Variants in SLC35F1 observed in about 807,000 individuals in gnomAD.
SLC35F1 encodes solute carrier family 35 member F1.
In SLC35F1, 14 loss-of-function variants were observed where a neutral mutation model predicts 48.7. The ratio of observed to expected loss-of-function variants is 0.29; its 90% CI spans 0.19 to 0.45. The LOEUF (loss-of-function observed/expected upper bound fraction) is 0.45, where lower values mean the gene tolerates loss of function less well. Ranked by LOEUF, SLC35F1 falls within the 20% of genes least tolerant of loss-of-function variation. SLC35F1 has a pLI of 1.00. For synonymous variants in SLC35F1, 190 were observed against 202.2 expected (o/e 0.94, Z 0.51); for missense variants, 404 against 500.0 (o/e 0.81, Z 1.83).
intron 1 of SLC35F1, among the ~76,000 whole-genome samples, chr6:118,107,855 G>A (rs572262203): frequency 1.2e-3 from 189 of 151,914 alleles, no homozygotes; most frequent in Admixed American, 3.1e-3. Flanking sequence ...ACAATTTCAG[G>A]GTCAAACAAA....
At chr6:118,003,991 A>G (rs1425481519) in intron 1 of SLC35F1, among the ~76,000 whole-genome samples, 2 of 152,232 alleles carry the variant, frequency 1.3e-5, no homozygotes, top group East Asian at 3.8e-4. Flanking sequence ...GTGATATCTC[A>G]ACAGGGATAT....
At chr6:118,009,741 G>A (rs898639441) in intron 1 of SLC35F1, among the ~76,000 whole-genome samples, 2 of 152,208 alleles carry the variant, frequency 1.3e-5, no homozygotes, top group East Asian at 3.9e-4. Context: ...AAAACTGAGT[G>A]CACAAAATGA....
intron 3 of SLC35F1, among the ~76,000 whole-genome samples, chr6:118,241,368 G>A (rs1002518821): frequency 6.6e-6 from 1 of 152,128 alleles, no homozygotes; most frequent in African/African-American, 2.4e-5. Flanking sequence ...ATGGTTAAAT[G>A]TCACAAACAA....
rs114597945 is a variant in SLC35F1, at chr6:118,156,744, C to T, written c.349+2124C>T. ...TCCAGTAAGGCAGGACAACTTGAAG[C>T]GCAGGGCTTCCAGCTTATAGGTGGA... On this transcript the variant is annotated intron_variant, in intron 2 of 7. Transcript: ENST00000360388. Among the ~76,000 whole-genome samples the T allele has an allele frequency of 3.6e-3, 544 of 151,934 alleles. 3 individuals carry two copies. Among genetic ancestry groups the T allele is most frequent in the African/African-American group, 0.013 (521 of 41,418 alleles).
At chr6:117,931,453 T>A (rs1324583939) in intron 1 of SLC35F1, among the ~76,000 whole-genome samples, 1 of 152,246 alleles carries the variant, frequency 6.6e-6, no homozygotes, top group Non-Finnish European at 1.5e-5. Flanking sequence ...TTATTTTCAC[T>A]GTGAATGTGG....
At position 118,314,140 on chromosome 6, in the gene SLC35F1, A is replaced by G. The variant is rs772683387; in HGVS notation, c.1115A>G (p.Asn372Ser). Residue 372 changes from asparagine to serine, a missense_variant, in exon 8 of 8, where the codon AAT (asparagine) becomes AGT (serine). Asn to Ser is a conservative substitution (Grantham distance 46). Coordinates refer to ENST00000360388, the MANE Select transcript of SLC35F1 (RefSeq NM_001029858.4). ...QDPRVYKQFR[N>S]PSGPVVDLPT... ...CCCCGAGTGTATAAGCAGTTCCGCAATCCTTCAGGACCTGTTGTGGACTTA... is the reference window on the plus strand; with the variant it reads ...CCCCGAGTGTATAAGCAGTTCCGCAGTCCTTCAGGACCTGTTGTGGACTTA... The G allele has an allele frequency of 8.1e-6, 13 of 1,613,982 alleles. No homozygotes were observed. The highest frequency in any genetic ancestry group is 2.2e-5 in the South Asian group (2 of 91,080).
intron 4 of SLC35F1, among the ~76,000 whole-genome samples, chr6:118,271,466 C>T (rs1203526832): frequency 6.6e-6 from 1 of 152,054 alleles, no homozygotes; most frequent in African/African-American, 2.4e-5. Context: ...GTGCTAAAAC[C>T]AACAGAGTCC....
chr6:118,232,506 C>T (rs927495169), intron 2 of SLC35F1, among the ~76,000 whole-genome samples: 1 of 147,878 alleles, frequency 6.8e-6, no homozygotes, highest in African/African-American at 2.5e-5. Context: ...CAAGATCGCG[C>T]CATTGCACTC....
chr6:117,927,002 C>T (rs950159051), intron 1 of SLC35F1, among the ~76,000 whole-genome samples: 1 of 152,092 alleles, frequency 6.6e-6, no homozygotes, highest in Non-Finnish European at 1.5e-5. Flanking sequence ...GAGTTTGATG[C>T]TGGTCAATGT....
chr6:118,113,368 C>T (rs577812867), intron 1 of SLC35F1, among the ~76,000 whole-genome samples: 47 of 152,084 alleles, frequency 3.1e-4, no homozygotes, highest in African/African-American at 1.0e-3. Context: ...ATTACAGGTG[C>T]GAGACCTCAC....
chr6:117,920,838 A>G (rs566337325), intron 1 of SLC35F1, among the ~76,000 whole-genome samples: 3 of 152,240 alleles, frequency 2.0e-5, no homozygotes, highest in Admixed American at 2.0e-4. Context: ...CCCAGATAAA[A>G]TAGACAGCTG....
intron 1 of SLC35F1, among the ~76,000 whole-genome samples, chr6:118,142,689 G>A (rs1000055598): frequency 6.6e-6 from 1 of 152,048 alleles, no homozygotes; most frequent in Non-Finnish European, 1.5e-5. Context: ...TTTTCGTCTA[G>A]AATAAATTTT....
intron 1 of SLC35F1, among the ~76,000 whole-genome samples, chr6:118,001,609 TTAAAC>T (rs1296195074): frequency 1.3e-5 from 2 of 151,818 alleles, no homozygotes; most frequent in Non-Finnish European, 2.9e-5. Flanking sequence ...TGGGATCTAA[TTAAAC>T]TAAAGAGCTT....
At chr6:118,156,439 C>G (rs1279013995) in intron 2 of SLC35F1, among the ~76,000 whole-genome samples, 1 of 151,994 alleles carries the variant, frequency 6.6e-6, no homozygotes, top group Admixed American at 6.6e-5. Flanking sequence ...TTTGCAAATA[C>G]CGCATGTTCT....
intron 1 of SLC35F1, among the ~76,000 whole-genome samples, chr6:118,070,067 C>T (rs537122473): frequency 1.2e-4 from 16 of 132,634 alleles, no homozygotes; most frequent in African/African-American, 4.0e-4. Context: ...ACCCGGGAAG[C>T]GGAGCTTGCA....
intron 1 of SLC35F1, among the ~76,000 whole-genome samples, chr6:117,945,557 T>C (rs1350710508): frequency 3.9e-5 from 6 of 152,154 alleles, no homozygotes; most frequent in African/African-American, 1.4e-4. Context: ...TGATGACTAT[T>C]TTAGAGAGAG....
intron 6 of SLC35F1, among the ~76,000 whole-genome samples, chr6:118,282,400 T>A (rs1243089699): frequency 6.7e-6 from 1 of 148,714 alleles, no homozygotes; most frequent in African/African-American, 2.5e-5. Context: ...TCCACTCCTG[T>A]CCCCCTACCT....
At chr6:118,139,635 T>C (rs1458008897) in intron 1 of SLC35F1, among the ~76,000 whole-genome samples, 1 of 152,212 alleles carries the variant, frequency 6.6e-6, no homozygotes, top group African/African-American at 2.4e-5. Context: ...CAGATTAATA[T>C]GGCAGAAATC....
intron 1 of SLC35F1, among the ~76,000 whole-genome samples, chr6:118,075,298 A>G (rs1187823564): frequency 6.6e-6 from 1 of 152,254 alleles, no homozygotes. Flanking sequence ...GTCACTGTAC[A>G]TTAATGATGA....
Sources: gnomAD v4.1 joint callset for allele counts (sites outside exome capture counted in the v4.1 genomes callset) on GRCh38, gnomAD v4.1.1 for gene constraint, MANE v1.5 for transcripts, NCBI Gene and HGNC (gene_info 2026-07-23, HGNC 2026-07-21) for gene names.